The following ZNF365 variants were observed in gnomAD, a reference collection of about 807,000 sequenced individuals.
ZNF365 encodes zinc finger protein 365, also known as protein ZNF365.
A neutral mutation model predicts 35.0 loss-of-function variants in ZNF365; 22 were observed. That is an observed-to-expected ratio of 0.63 (90% confidence interval 0.45 to 0.90). The LOEUF (loss-of-function observed/expected upper bound fraction) is 0.90. ZNF365 is among the 40% of genes least tolerant of loss of function. The pLI is 0.00. For synonymous variants in ZNF365, 188 were observed against 196.2 expected, an observed-to-expected ratio of 0.96 and a Z score of 0.35; for missense variants, 448 against 500.3, an observed-to-expected ratio of 0.90 and a Z score of 1.00.
intron 2 of ZNF365, among the ~76,000 whole-genome samples, chr10:62,384,085 C>A (rs1348316122): frequency 6.7e-6 from 1 of 149,782 alleles, no homozygotes; most frequent in Non-Finnish European, 1.5e-5. Flanking sequence ...AGCCTAAAAC[C>A]TCTGATTTAA....
At position 62,401,330 on chromosome 10, in the gene ZNF365, T is replaced by C. The variant is rs1839825305; in HGVS notation, c.*1541T>C. ...ACATTGGCAGAATTATGATTGTTAC[T>C]GCAATAAGCATCAAATTAGCAGCGC... On this transcript the variant is annotated 3_prime_UTR_variant, in exon 5 of 5. Coordinates refer to ENST00000395254, the MANE Select transcript of ZNF365 (RefSeq NM_014951.3). 2.0e-6 allele frequency: 2 copies of C among 985,450 alleles called. No homozygotes were observed. Among genetic ancestry groups the C allele is most frequent in the South Asian group, 4.7e-5 (1 of 21,298 alleles). The allele number at this position is 985,450 out of a possible 1,614,324, so 61.0% of individuals were successfully genotyped here.
Position 62,400,074 on chromosome 10 carries a change from G to A in ZNF365, c.*285G>A. On this transcript the variant is annotated 3_prime_UTR_variant, in exon 5 of 5. Transcript: ENST00000395254. ...TCTAAAGTAACTGGCCCAGTCTCCA[G>A]TAATCTTGGCATCTGGGCTTCTATG... The A allele has an allele frequency of 8.7e-7, 1 of 1,149,066 alleles. No individual in the cohort carries two copies. Among genetic ancestry groups the A allele is most frequent in the Non-Finnish European group, 1.1e-6 (1 of 932,754 alleles). 71.2% of individuals were successfully genotyped at this position (1,149,066 alleles called of 1,614,324 possible).
At chr10:62,453,601 G>A (rs1840718539) in intron 3 of ZNF365, among the ~76,000 whole-genome samples, 1 of 152,186 alleles carries the variant, frequency 6.6e-6, no homozygotes, top group South Asian at 2.1e-4. Context: ...ATATGTGGGT[G>A]TAGGTACTTT....
At chr10:62,471,512 T>A (rs16917283) in intron 4 of ZNF365, among the ~76,000 whole-genome samples, 5,623 of 152,340 alleles carry the variant, frequency 0.037, 151 homozygotes, top group East Asian at 0.17. Context: ...TTCTTATATT[T>A]TCTGGCATCC....
At chr10:62,409,434 C>T (rs1003566089) in intron 3 of ZNF365, among the ~76,000 whole-genome samples, 2 of 152,058 alleles carry the variant, frequency 1.3e-5, no homozygotes, top group Non-Finnish European at 2.9e-5. Context: ...CGCTAGAATC[C>T]GTCTCTGTTG....
intron 3 of ZNF365, among the ~76,000 whole-genome samples, chr10:62,453,077 A>AT (rs1840708692): frequency 1.3e-5 from 2 of 152,244 alleles, no homozygotes; most frequent in South Asian, 4.1e-4. Flanking sequence ...TATCCAGCCT[A>AT]TTTGGTAGAA....
rs1466731769 is a variant in ZNF365, at chr10:62,476,603, T to G, written c.982-3273T>G. 3.9e-5 allele frequency among the ~76,000 whole-genome samples: 6 copies of G among 152,348 alleles called. No homozygotes were observed. In the South Asian group the frequency reaches 1.2e-3, roughly 32 times the overall value. On this transcript the variant is annotated intron_variant, in intron 4 of 4. Coordinates refer to the ZNF365 transcript ENST00000395255. ...CTGATGCCAAAGAAGCTGTTAAGACTAAGATCTTGTGTTAGGAACTTCAAT... is the reference window on the plus strand; with the variant it reads ...CTGATGCCAAAGAAGCTGTTAAGACGAAGATCTTGTGTTAGGAACTTCAAT...
At chr10:62,472,404 G>T (rs1412819259) in intron 4 of ZNF365, among the ~76,000 whole-genome samples, 4 of 152,218 alleles carry the variant, frequency 2.6e-5, no homozygotes, top group South Asian at 2.1e-4. Context: ...CTTTGCAGAA[G>T]TAATCCATTT....
At chr10:62,419,504 A>AG (rs898566832) in intron 3 of ZNF365, among the ~76,000 whole-genome samples, 17 of 151,942 alleles carry the variant, frequency 1.1e-4, no homozygotes, top group Non-Finnish European at 2.4e-4. Flanking sequence ...GAAAAAAAAA[A>AG]AAAAAGGACG....
At chr10:62,443,014 G>A (rs1312082607) in intron 3 of ZNF365, among the ~76,000 whole-genome samples, 2 of 152,186 alleles carry the variant, frequency 1.3e-5, no homozygotes, top group African/African-American at 4.8e-5. Context: ...ACTCAACAGT[G>A]CTCCCTGCAA....
chr10:62,467,519 G>T (rs55719145), intron 4 of ZNF365, among the ~76,000 whole-genome samples: 3,794 of 152,256 alleles, frequency 0.025, 70 homozygotes, highest in South Asian at 0.074. Flanking sequence ...TTTTTTGGCA[G>T]ACACGTATTC....
At chr10:62,414,562 A>G (rs1257583839) in intron 3 of ZNF365, among the ~76,000 whole-genome samples, 3 of 151,984 alleles carry the variant, frequency 2.0e-5, no homozygotes, top group Non-Finnish European at 4.4e-5. Flanking sequence ...TACTCTGCCA[A>G]TTGTACTACC....
At chr10:62,471,935 T>C (rs1841046360) in intron 4 of ZNF365, among the ~76,000 whole-genome samples, 1 of 152,228 alleles carries the variant, frequency 6.6e-6, no homozygotes, top group South Asian at 2.1e-4. Flanking sequence ...GGACTCCTTA[T>C]GTTTCCACAA....
At chr10:62,392,413 G>T (rs748870307) in intron 3 of ZNF365, among the ~76,000 whole-genome samples, 3 of 152,176 alleles carry the variant, frequency 2.0e-5, no homozygotes, top group Non-Finnish European at 4.4e-5. Flanking sequence ...GTTGATTTTA[G>T]TATAAGGTGA....
chr10:62,388,639 G>C, intron 3 of ZNF365, 63 bp downstream of exon 3: 1 of 1,582,956 alleles, frequency 6.3e-7, no homozygotes, highest in Non-Finnish European at 8.6e-7. Flanking sequence ...ATGGGCTGAG[G>C]ACAGAGAAAA....
At chr10:62,396,352 G>A (rs990655894) in intron 3 of ZNF365, among the ~76,000 whole-genome samples, 8 of 152,152 alleles carry the variant, frequency 5.3e-5, no homozygotes, top group South Asian at 2.1e-4. Context: ...GTAAAGCACC[G>A]AGGCTTCAAA....
chr10:62,380,918 A>G (rs909493134), intron 2 of ZNF365, among the ~76,000 whole-genome samples: 4 of 152,180 alleles, frequency 2.6e-5, no homozygotes, highest in Non-Finnish European at 5.9e-5. Flanking sequence ...TTACATATAC[A>G]CTTTTCTGCA....
intron 3 of ZNF365, among the ~76,000 whole-genome samples, chr10:62,427,493 T>C (rs971869134): frequency 1.3e-5 from 2 of 152,154 alleles, no homozygotes; most frequent in South Asian, 4.1e-4. Context: ...CACCTAAAGA[T>C]GCATTTCTTG....
At chr10:62,403,902 G>C (rs906401068), downstream of ZNF365, among the ~76,000 whole-genome samples, 4 of 152,194 alleles carry the variant, frequency 2.6e-5, no homozygotes, top group Non-Finnish European at 5.9e-5. Flanking sequence ...ATGCCTGCAT[G>C]ATCCCAAAAA....
Sources: gnomAD v4.1 joint callset for allele counts (sites outside exome capture counted in the v4.1 genomes callset) on GRCh38, gnomAD v4.1.1 for gene constraint, MANE v1.5 for transcripts, NCBI Gene and HGNC (gene_info 2026-07-23, HGNC 2026-07-21) for gene names.